CEP83: variants seen among roughly 807,000 people sequenced by gnomAD.
CEP83 encodes centrosomal protein of 83 kDa.
Under a neutral mutation model 101.9 loss-of-function variants are expected in CEP83, and 70 were observed. The observed-to-expected ratio is 0.69, with a 90% CI of 0.57 to 0.84. CEP83 has a LOEUF of 0.84. CEP83 is among the 40% of genes least tolerant of loss of function. The pLI, the probability that CEP83 is intolerant of heterozygous loss-of-function variation, is 0.00. For missense variants in CEP83, 715 were observed against 787.2 expected, an observed-to-expected ratio of 0.91 and a Z score of 1.10; for synonymous variants, 264 against 267.9, an observed-to-expected ratio of 0.99 and a Z score of 0.14.
the CEP83 span, among the ~76,000 whole-genome samples, chr12:94,285,909 T>G: frequency 1.8e-4 from 27 of 152,104 alleles, no homozygotes; most frequent in Non-Finnish European, 4.0e-4. Context: ...CAGCATCCCT[T>G]GGCCACTGTG....
chr12:94,282,709 T>C, the CEP83 span: 54 of 221,758 alleles, frequency 2.4e-4, no homozygotes, highest in African/African-American at 1.1e-3. Context: ...AGTTATCCTT[T>C]AGCCTTCACT....
In CEP83 at chr12:94,333,485, T is replaced by A; in HGVS notation, c.1574A>T (p.Glu525Val). 1 of 1,612,270 alleles carries A rather than the reference T, an allele frequency of 6.2e-7. No homozygotes were observed. Among genetic ancestry groups the A allele is most frequent in the Non-Finnish European group, 8.5e-7 (1 of 1,179,420 alleles). Residue 525 changes from glutamate to valine, a missense_variant, in exon 13 of 17, where the codon GAA becomes GTA. Coordinates refer to ENST00000397809, the MANE Select transcript of CEP83 (RefSeq NM_016122.3). ...GTACATAAAGAGCAAACTCTACTTT[T>A]CAGCTTCTAGTTGCGCTTTTTCAGC... is the stretch of plus-strand genomic sequence containing the variant. ...SQAEKAQLEA[E>V]KTLEEKQIQW... is the part of the protein sequence containing the mutation.
chr12:94,369,788 A>G, intron 9 of CEP83, 134 bp downstream of exon 9: 1 of 583,230 alleles, frequency 1.7e-6, no homozygotes, highest in South Asian at 2.4e-5. Flanking sequence ...TAAACATTTC[A>G]TATGTACTCC....
At chr12:94,391,706 C>T (rs2062548437) in intron 6 of CEP83, among the ~76,000 whole-genome samples, 1 of 151,854 alleles carries the variant, frequency 6.6e-6, no homozygotes, top group African/African-American at 2.4e-5. Context: ...GAGTCAAGAC[C>T]CATCAGTGTG....
At chr12:94,327,859 C>A (rs1324951581) in intron 14 of CEP83, among the ~76,000 whole-genome samples, 1 of 152,196 alleles carries the variant, frequency 6.6e-6, no homozygotes, top group Non-Finnish European at 1.5e-5. Context: ...GTCTGTCTAG[C>A]ACAGTGGTTC....
chr12:94,387,875 A>G (rs549249103), intron 6 of CEP83, among the ~76,000 whole-genome samples: 4 of 152,310 alleles, frequency 2.6e-5, no homozygotes, highest in South Asian at 4.1e-4. Context: ...AAAAAACACA[A>G]TGAGATACCA....
rs776434390 is a variant in CEP83 at position 94,396,280 on chromosome 12, C to CTTTTT, written c.549+4565_549+4569dup. Among the ~76,000 whole-genome samples the CTTTTT allele has an allele frequency of 1.2e-4, 11 of 90,948 alleles. 1 individual carries two copies. The highest frequency in any genetic ancestry group is 3.4e-4 in the South Asian group (1 of 2,960). The allele number at this position is 90,948 out of a possible 152,430, so 59.7% of individuals were successfully genotyped here. ...CTTACAGTCACATGAAAAAGCATGA[C>CTTTTT]TTTTTTTTTTTTTTTTTTTTTTTTT... On this transcript the variant is annotated intron_variant, in intron 6 of 16. Coordinates refer to ENST00000397809, the MANE Select transcript of CEP83 (RefSeq NM_016122.3).
At chr12:94,313,145 AAGGTTAGT>A in intron 14 of CEP83, 128 bp from the exon 15 acceptor site, 2 of 496,166 alleles carry the variant, frequency 4.0e-6, no homozygotes, top group Non-Finnish European at 7.0e-6. Context: ...ACTAGAAACA[AAGGTTAGT>A]AGACATGGCT....
intron 4 of CEP83, among the ~76,000 whole-genome samples, chr12:94,407,733 A>G (rs927188161): frequency 6.6e-6 from 1 of 152,208 alleles, no homozygotes; most frequent in Non-Finnish European, 1.5e-5. Context: ...TCCAAAGCAC[A>G]CATAAACCAA....
chr12:94,313,131 G>GA (rs1970126001), intron 14 of CEP83, 114 bp from the exon 15 acceptor site: 3 of 508,210 alleles, frequency 5.9e-6, no homozygotes, highest in Non-Finnish European at 6.8e-6. Context: ...TGTTTTCAGT[G>GA]AATACTAGAA....
At chr12:94,405,025 G>A (rs1425301690) in intron 4 of CEP83, among the ~76,000 whole-genome samples, 1 of 150,414 alleles carries the variant, frequency 6.6e-6, no homozygotes. Context: ...TGTAGCTGTG[G>A]GAAGAAGAGG....
intron 11 of CEP83, among the ~76,000 whole-genome samples, chr12:94,358,986 A>G (rs573876975): frequency 5.3e-5 from 8 of 152,362 alleles, no homozygotes; most frequent in Non-Finnish European, 1.0e-4. Flanking sequence ...AGGGCAGAAA[A>G]CTGCTTAAAG....
At chr12:94,319,391 T>A (rs1428779474) in intron 14 of CEP83, among the ~76,000 whole-genome samples, 2 of 152,158 alleles carry the variant, frequency 1.3e-5, no homozygotes, top group Non-Finnish European at 2.9e-5. Context: ...CATGTTTTGA[T>A]CTCCTTCTGT....
chr12:94,346,203 C>T (rs2059926122), intron 11 of CEP83, among the ~76,000 whole-genome samples: 1 of 152,108 alleles, frequency 6.6e-6, no homozygotes, highest in Non-Finnish European at 1.5e-5. Flanking sequence ...GCACCTGCCA[C>T]CACGCCCAAC....
chr12:94,424,907 T>C, intron 2 of CEP83: 2 of 1,599,976 alleles, frequency 1.3e-6, no homozygotes, highest in South Asian at 2.2e-5. Context: ...ATATGGCTTC[T>C]TGTTGTTTCT....
chr12:94,424,721 A>G, intron 2 of CEP83: 1 of 1,609,626 alleles, frequency 6.2e-7, no homozygotes, highest in Non-Finnish European at 8.5e-7. Context: ...CTTAGTGGAA[A>G]CAATCTTGCC....
chr12:94,398,541 G>C (rs1470957691), intron 6 of CEP83, among the ~76,000 whole-genome samples: 1 of 152,100 alleles, frequency 6.6e-6, no homozygotes, highest in African/African-American at 2.4e-5. Context: ...CATCACCTCA[G>C]GACCACTATA....
intron 12 of CEP83, among the ~76,000 whole-genome samples, chr12:94,334,452 C>A (rs960631499): frequency 6.6e-6 from 1 of 152,100 alleles, no homozygotes; most frequent in Non-Finnish European, 1.5e-5. Flanking sequence ...ATACCTCCCC[C>A]ACAAGCTATT....
At chr12:94,304,218 T>A (rs190711601), downstream of CEP83, 6 of 544,294 alleles carry the variant, frequency 1.1e-5, no homozygotes, top group African/African-American at 1.1e-4. Flanking sequence ...ACCCTGTACA[T>A]GGCTGCCCCC....
Sources: allele counts gnomAD v4.1 joint callset (sites outside exome capture counted in the v4.1 genomes callset), GRCh38; gene constraint gnomAD v4.1.1; transcripts MANE v1.5; gene names NCBI Gene and HGNC (gene_info 2026-07-23, HGNC 2026-07-21).